RGS18: variants seen among roughly 807,000 people sequenced by gnomAD.
RGS18 encodes regulator of G-protein signaling 18.
RGS18 carries 22 observed loss-of-function variants against 27.6 expected under a neutral mutation model. The ratio of observed to expected loss-of-function variants is 0.80; its 90% CI spans 0.57 to 1.14. The LOEUF is 1.14. RGS18 is among the 50% of genes most tolerant of loss of function. RGS18 has a pLI of 0.00. For synonymous variants in RGS18, 89 were observed against 84.6 expected (o/e 1.05, Z -0.29); for missense variants, 299 against 269.6 (o/e 1.11, Z -0.76).
intron 3 of RGS18, among the ~76,000 whole-genome samples, chr1:192,175,300 T>A (rs1302659719): frequency 7.7e-6 from 1 of 130,450 alleles, no homozygotes; most frequent in Non-Finnish European, 1.6e-5. Context: ...TGATAATAAG[T>A]CATGAAAATT....
intron 3 of RGS18, among the ~76,000 whole-genome samples, chr1:192,172,884 A>ATAT (rs758940898): frequency 9.2e-5 from 9 of 97,486 alleles, no homozygotes; most frequent in Non-Finnish European, 1.6e-4. Flanking sequence ...TATATATATA[A>ATAT]ATATATATAT....
rs1378215159 is a variant in RGS18 at position 192,175,323 on chromosome 1, TA to T, written c.284-5967del. Among the ~76,000 whole-genome samples the T allele has an allele frequency of 4.0e-4, 4 of 10,018 alleles. No individual in the cohort carries two copies. The Non-Finnish European group carries it at 0.017, about 42-fold the overall frequency. The allele number at this position is 10,018 out of a possible 152,430, so 6.6% of individuals were successfully genotyped here. ...AGTCATGAAAATTTCCTTATATCAC[TA>T]ATTTTTTTTTTGTATGTGAGCATGG... is the stretch of plus-strand genomic sequence containing the variant. On this transcript the variant is annotated intron_variant, in intron 3 of 4. Coordinates refer to ENST00000367460, the MANE Select transcript of RGS18 (RefSeq NM_130782.3).
chr1:192,174,480 G>A (rs536434662), intron 3 of RGS18, among the ~76,000 whole-genome samples: 1 of 151,760 alleles, frequency 6.6e-6, no homozygotes, highest in South Asian at 2.1e-4. Flanking sequence ...TCATTGATAT[G>A]GTCTACTTTT....
At chr1:192,184,159 C>A in intron 4 of RGS18, 138 bp from the exon 5 acceptor site, 1 of 692,628 alleles carries the variant, frequency 1.4e-6, no homozygotes, top group South Asian at 2.0e-5. Context: ...GAGGTTTGGG[C>A]AGGCTACACA....
chr1:192,184,259 A>T, intron 4 of RGS18, 38 bp from the exon 5 acceptor site: 6 of 1,578,960 alleles, frequency 3.8e-6, no homozygotes, highest in Non-Finnish European at 5.2e-6. Flanking sequence ...TTATATAAGC[A>T]TATTAACTAT....
chr1:192,162,133 A>T (rs1285109994), intron 3 of RGS18, among the ~76,000 whole-genome samples: 1 of 152,176 alleles, frequency 6.6e-6, no homozygotes, highest in South Asian at 2.1e-4. Flanking sequence ...TGTATTCCTT[A>T]TATTTCACTC....
intron 4 of RGS18, among the ~76,000 whole-genome samples, chr1:192,182,574 T>C (rs1163604501): frequency 6.6e-6 from 1 of 151,572 alleles, no homozygotes; most frequent in Admixed American, 6.6e-5. Context: ...ATGTTCATGA[T>C]GTTGCTGGAG....
Position 192,158,771 on chromosome 1 carries a change from T to C in RGS18, c.119+15T>C, listed in dbSNP as rs1290376920. ...GCCAAAATCAGGTAAAATTGTACAA[T>C]TTTAAGTCAGCCTTATACTTTTAAA... On this transcript the variant is annotated intron_variant, in intron 1 of 4. Coordinates refer to ENST00000367460, the MANE Select transcript of RGS18 (RefSeq NM_130782.3). The C allele has an allele frequency of 6.7e-7, 1 of 1,494,422 alleles. No homozygotes were observed. Among genetic ancestry groups the C allele is most frequent in the African/African-American group, 1.4e-5 (1 of 70,468 alleles). 92.6% of individuals were successfully genotyped at this position (1,494,422 alleles called of 1,614,324 possible). A position where few individuals can be genotyped will look rare whatever the true frequency, so the allele number is the denominator to read the frequency against.
intron 3 of RGS18, among the ~76,000 whole-genome samples, chr1:192,177,345 C>T (rs866497807): frequency 6.6e-6 from 1 of 150,668 alleles, no homozygotes; most frequent in African/African-American, 2.4e-5. Flanking sequence ...TCATTTAGTA[C>T]ACAAAATATT....
chr1:192,176,581 C>A (rs1244248070), intron 3 of RGS18, among the ~76,000 whole-genome samples: 1 of 151,622 alleles, frequency 6.6e-6, no homozygotes, highest in Non-Finnish European at 1.5e-5. Flanking sequence ...CCCTCCTCTT[C>A]TTAATAGTTT....
At chr1:192,179,198 G>T (rs913009060) in intron 3 of RGS18, among the ~76,000 whole-genome samples, 2 of 151,572 alleles carry the variant, frequency 1.3e-5, no homozygotes, top group East Asian at 3.9e-4. Context: ...ATGCTGCCAA[G>T]TGGGAAGTCC....
intron 3 of RGS18, chr1:192,163,728 A>G: frequency 6.6e-6 from 1 of 152,018 alleles, no homozygotes. Flanking sequence ...AATTATTTTT[A>G]TTACAATGCT....
At chr1:192,182,282 G>T (rs939882210) in intron 4 of RGS18, among the ~76,000 whole-genome samples, 1 of 151,344 alleles carries the variant, frequency 6.6e-6, no homozygotes, top group African/African-American at 2.4e-5. Flanking sequence ...TTTCTATAAT[G>T]GCTGCACTAC....
chr1:192,171,289 G>T (rs568715780), intron 3 of RGS18, among the ~76,000 whole-genome samples: 1 of 152,102 alleles, frequency 6.6e-6, no homozygotes, highest in African/African-American at 2.4e-5. Context: ...GATCACTCTT[G>T]CTTCTCAGTG....
chr1:192,174,089 AT>A (rs1571390964), intron 3 of RGS18, among the ~76,000 whole-genome samples: 1 of 151,454 alleles, frequency 6.6e-6, no homozygotes, highest in East Asian at 1.9e-4. Context: ...CATCTCACAA[AT>A]TTTTGATCTG....
At chr1:192,165,584 G>C (rs1450226393) in intron 3 of RGS18, among the ~76,000 whole-genome samples, 3 of 152,038 alleles carry the variant, frequency 2.0e-5, no homozygotes, top group African/African-American at 7.2e-5. Context: ...TCTCTTTTGT[G>C]CTCTTTCCCT....
chr1:192,160,805 G>A (rs928126338), intron 3 of RGS18: 4 of 185,986 alleles, frequency 2.2e-5, no homozygotes, highest in African/African-American at 4.7e-5. Context: ...TAATTCTTTC[G>A]ATGGACATAC....
chr1:192,176,307 T>C (rs1207949061), intron 3 of RGS18, among the ~76,000 whole-genome samples: 1 of 151,818 alleles, frequency 6.6e-6, no homozygotes, highest in African/African-American at 2.4e-5. Flanking sequence ...AAATTCCAAA[T>C]ACATCATAAT....
chr1:192,172,431 C>T (rs747062200), intron 3 of RGS18, among the ~76,000 whole-genome samples: 28 of 151,958 alleles, frequency 1.8e-4, no homozygotes, highest in Admixed American at 5.3e-4. Context: ...AGCACAAAAC[C>T]CTCACCAGAA....
Sources: allele counts gnomAD v4.1 joint callset (sites outside exome capture counted in the v4.1 genomes callset), GRCh38; gene constraint gnomAD v4.1.1; transcripts MANE v1.5; gene names NCBI Gene and HGNC (gene_info 2026-07-23, HGNC 2026-07-21).